The following RYR3 variants were observed in gnomAD, a reference collection of about 807,000 sequenced individuals.
RYR3 encodes brain ryanodine receptor-calcium release channel.
A neutral mutation model predicts 584.3 loss-of-function variants in RYR3; 207 were observed. The ratio of observed to expected loss-of-function variants is 0.35; its 90% CI spans 0.32 to 0.40. The LOEUF (loss-of-function observed/expected upper bound fraction) is 0.40. Among genes scored for constraint, RYR3 ranks in the 10% least tolerant of loss-of-function variants. RYR3 has a pLI of 1.00. For synonymous variants in RYR3, 2,416 were observed against 2,248.5 expected (o/e 1.07, Z -2.11); for missense variants, 5,616 against 6,089.2 (o/e 0.92, Z 2.59).
chr15:33,442,933 T>A (rs1396699512), intron 1 of RYR3, among the ~76,000 whole-genome samples: 2 of 152,076 alleles, frequency 1.3e-5, no homozygotes, highest in Admixed American at 1.3e-4. Flanking sequence ...TCCAGACACA[T>A]TAGAAGGTAG....
intron 41 of RYR3, 77 bp from the exon 42 acceptor site, chr15:33,700,900 A>G: frequency 1.0e-6 from 1 of 1,000,646 alleles, no homozygotes; most frequent in Non-Finnish European, 1.5e-6. Context: ...CTGTCCGCTT[A>G]CGTGCACTGC....
Position 33,825,935 on chromosome 15 carries a change from T to A in RYR3, c.11146+259T>A. 2.0e-5 allele frequency: 10 copies of A among 496,146 alleles called. No individual in the cohort carries two copies. The South Asian group carries it at 2.3e-4, about 11-fold the overall frequency. The allele number at this position is 496,146 out of a possible 1,614,324, so 30.7% of individuals were successfully genotyped here. A position where few individuals can be genotyped will look rare whatever the true frequency, so the allele number is the denominator to read the frequency against. On this transcript the variant is annotated intron_variant, in intron 82 of 103. Coordinates refer to ENST00000634891, the MANE Select transcript of RYR3 (RefSeq NM_001036.6). ...TTTTAGTAGAGGCAGCATTTCATCA[T>A]GTTGGCCAGGCTGGTCTTGAACTCC...
chr15:33,660,275 G>T lies in RYR3; in HGVS notation c.4474G>T (p.Val1492Phe). 3 of 1,559,258 alleles carry T rather than the reference G, an allele frequency of 1.9e-6. No individual in the cohort carries two copies. The highest frequency in any genetic ancestry group is 1.2e-5 in the South Asian group (1 of 84,360). The change falls in exon 34 of 104, where the codon GTC (valine) becomes TTC (phenylalanine). Residue 1492 changes from valine to phenylalanine, a missense_variant. This residue lies in a region of RYR3 where 753 missense variants were observed against 741.0 expected (regional missense o/e 1.02). Coordinates refer to ENST00000634891, the MANE Select transcript of RYR3 (RefSeq NM_001036.6). ...PVPQCPPRLD[V>F]QTIQPVLWSR... ...CCCACAGTGTCCACCTCGGCTGGAC[G>T]TCCAAACCATCCAGCCCGTGCTCTG...
At chr15:33,483,276 C>T (rs1387112670) in intron 2 of RYR3, among the ~76,000 whole-genome samples, 5 of 152,094 alleles carry the variant, frequency 3.3e-5, no homozygotes, top group Admixed American at 6.5e-5. Context: ...ACTACCAATT[C>T]AACGTCTTGA....
At chr15:33,807,653 T>C (rs1171427875) in intron 70 of RYR3, 84 bp downstream of exon 70, 2 of 1,336,754 alleles carry the variant, frequency 1.5e-6, no homozygotes, top group South Asian at 2.5e-5. Flanking sequence ...GTGATCACCA[T>C]GGGGGTGGTA....
At chr15:33,388,607 T>A (rs2041788912) in intron 1 of RYR3, among the ~76,000 whole-genome samples, 1 of 152,126 alleles carries the variant, frequency 6.6e-6, no homozygotes, top group Non-Finnish European at 1.5e-5. Flanking sequence ...ATAAATAAAA[T>A]GCTATAAAAT....
At chr15:33,860,825 G>A (rs1391534370) in intron 101 of RYR3, among the ~76,000 whole-genome samples, 166 bp downstream of exon 101, 3 of 150,918 alleles carry the variant, frequency 2.0e-5, no homozygotes, top group Non-Finnish European at 4.4e-5. Context: ...CTGCCAGGCC[G>A]GCCACTCTGC....
chr15:33,385,435 T>C (rs1203750614), intron 1 of RYR3, among the ~76,000 whole-genome samples: 1 of 152,242 alleles, frequency 6.6e-6, no homozygotes, highest in Admixed American at 6.5e-5. Context: ...GGCATTATGA[T>C]TCAAGTCATT....
intron 10 of RYR3, among the ~76,000 whole-genome samples, chr15:33,555,621 T>TA (rs942164493): frequency 5.9e-5 from 9 of 151,804 alleles, no homozygotes; most frequent in Non-Finnish European, 7.4e-5. Context: ...AATAGAGATT[T>TA]AAAAAAAAGT....
rs200923286 is a variant in RYR3, at chr15:33,857,887, C to T, written c.14115C>T (p.Pro4705=). ...ACAAAAGCGAAGACGATGACGAGCC[C>T]GATATGAAGTGCGACGACATGATGA... The part of the protein sequence containing the change: ...FYNKSEDDDE[P]DMKCDDMMTC... Residue 4705 remains proline, a synonymous_variant, in exon 99 of 104, where the codon CCC becomes CCT. Transcript: ENST00000634891. The T allele has an allele frequency of 9.9e-6, 16 of 1,614,110 alleles. No individual in the cohort carries two copies. The African/African-American group carries it at 1.3e-4, about 13-fold the overall frequency.
At position 33,530,488 on chromosome 15, in the gene RYR3, T is replaced by G. The variant is rs547135103; in HGVS notation, c.280-104T>G. On this transcript the variant is annotated intron_variant, in intron 3 of 103. Coordinates refer to ENST00000634891, the MANE Select transcript of RYR3 (RefSeq NM_001036.6). ...AATGAATTCCTTAGGAGCTTTGCAA[T>G]GGGTCTTTTCCTGGTAGTCTGTCTC... 2.9e-4 allele frequency: 227 copies of G among 775,876 alleles called. 2 individuals are homozygous for G. In the South Asian group the frequency reaches 3.4e-3, roughly 12 times the overall value. 48.1% of individuals were successfully genotyped at this position (775,876 alleles called of 1,614,324 possible).
chr15:33,675,878 G>A (rs1343550268), intron 38 of RYR3, among the ~76,000 whole-genome samples: 1 of 152,058 alleles, frequency 6.6e-6, no homozygotes, highest in East Asian at 1.9e-4. Flanking sequence ...CCTGCAGCAG[G>A]GAGACATTGG....
chr15:33,595,185 TTAAGTGA>T (rs1420082048), intron 16 of RYR3, among the ~76,000 whole-genome samples: 1 of 152,190 alleles, frequency 6.6e-6, no homozygotes, highest in Non-Finnish European at 1.5e-5. Flanking sequence ...AGTCATTTAT[TTAAGTGA>T]TAATTCAAGC....
At chr15:33,338,839 C>CA (rs559077518) in intron 1 of RYR3, among the ~76,000 whole-genome samples, 28 of 151,430 alleles carry the variant, frequency 1.8e-4, no homozygotes, top group African/African-American at 4.1e-4. Flanking sequence ...ATAATGGTGA[C>CA]AAAAAAAAGT....
At chr15:33,862,855 C>T (rs1383893739) in intron 102 of RYR3, among the ~76,000 whole-genome samples, 1 of 152,130 alleles carries the variant, frequency 6.6e-6, no homozygotes, top group Non-Finnish European at 1.5e-5. Flanking sequence ...AAGTGATCCA[C>T]CTGCCTTGGC....
At chr15:33,805,474 T>C (rs1416164707) in intron 69 of RYR3, among the ~76,000 whole-genome samples, 1 of 150,914 alleles carries the variant, frequency 6.6e-6, no homozygotes, top group Non-Finnish European at 1.5e-5. Context: ...TCTCTCTTTT[T>C]TTTTTTTTTT....
chr15:33,477,519 T>C (rs1476652003), intron 2 of RYR3, among the ~76,000 whole-genome samples: 2 of 149,772 alleles, frequency 1.3e-5, no homozygotes, highest in Non-Finnish European at 3.0e-5. Flanking sequence ...AGCACTATTA[T>C]TCAGCTCCCT....
chr15:33,640,570 G>T (rs934503138), intron 27 of RYR3, among the ~76,000 whole-genome samples: 9 of 152,090 alleles, frequency 5.9e-5, no homozygotes, highest in Admixed American at 1.3e-4. Context: ...CTGTCCTTTG[G>T]ATTTTTGAGA....
chr15:33,384,505 A>G (rs907487608), intron 1 of RYR3, among the ~76,000 whole-genome samples: 1 of 146,708 alleles, frequency 6.8e-6, no homozygotes, highest in East Asian at 1.9e-4. Context: ...TTATACTATT[A>G]TTTTAATTAA....
Sources: allele counts gnomAD v4.1 joint callset (sites outside exome capture counted in the v4.1 genomes callset), GRCh38; gene constraint gnomAD v4.1.1; regional missense constraint gnomAD v4.1.1; transcripts MANE v1.5; gene names NCBI Gene and HGNC (gene_info 2026-07-23, HGNC 2026-07-21).